Variants in MOXD1 observed in about 807,000 individuals in gnomAD.
MOXD1 encodes monooxygenase DBH like 1.
In MOXD1, 62 loss-of-function variants were observed where a neutral mutation model predicts 66.6. The observed-to-expected ratio is 0.93, with a 90% CI of 0.76 to 1.15. The LOEUF (loss-of-function observed/expected upper bound fraction) is 1.15. Ranked by LOEUF, MOXD1 falls within the 50% of genes most tolerant of loss-of-function variation. The pLI is 0.00. For missense variants in MOXD1, 847 were observed against 754.6 expected (o/e 1.12, Z -1.44); for synonymous variants, 303 against 281.9 (o/e 1.07, Z -0.75).
chr6:132,313,676 G>C (rs1465342842), intron 10 of MOXD1, among the ~76,000 whole-genome samples: 1 of 152,186 alleles, frequency 6.6e-6, no homozygotes, highest in Non-Finnish European at 1.5e-5. Context: ...CACTTTGGGA[G>C]GCCGAGGCGG....
chr6:132,399,105 T>C (rs1290537252), intron 1 of MOXD1, among the ~76,000 whole-genome samples: 1 of 152,072 alleles, frequency 6.6e-6, no homozygotes, highest in Non-Finnish European at 1.5e-5. Flanking sequence ...AAAACTGAAA[T>C]TGATACATTT....
chr6:132,392,056 GGGTT>G, intron 1 of MOXD1: 1 of 878,000 alleles, frequency 1.1e-6, no homozygotes, highest in Non-Finnish European at 1.7e-6. Flanking sequence ...AGCTGTGTCA[GGGTT>G]GCACACTCTC....
chr6:132,374,859 T>G (rs1000931801), intron 1 of MOXD1, 82 bp from the exon 2 acceptor site: 4 of 1,333,956 alleles, frequency 3.0e-6, no homozygotes, highest in Non-Finnish European at 3.2e-6. Context: ...AGACAAAGTC[T>G]TGTTGTCTAG....
In MOXD1 at chr6:132,328,110, A is replaced by G. The variant is rs529711671; in HGVS notation, c.849T>C (p.Phe283=). ...IFAWAIGGEG[F]SYPPHVGLSL... ...ATAATCCAACATGAGGTGGATAAGA[A>G]AAGCCCTAAATATGGAAAATGCCAT... The change falls in exon 6 of 12, where the codon TTT becomes TTC. Residue 283 remains phenylalanine, a synonymous_variant. Coordinates refer to ENST00000367963, the MANE Select transcript of MOXD1 (RefSeq NM_015529.4). 5.0e-6 allele frequency: 8 copies of G among 1,612,636 alleles called. No homozygotes were observed. In the East Asian group the frequency reaches 1.8e-4, roughly 36 times the overall value.
At chr6:132,331,155 G>A (rs1775309161) in intron 4 of MOXD1, among the ~76,000 whole-genome samples, 1 of 152,158 alleles carries the variant, frequency 6.6e-6, no homozygotes, top group Admixed American at 6.5e-5. Flanking sequence ...TCTAGTTTGA[G>A]CTTCTGTCTG....
chr6:132,335,557 C>T (rs1237065937), intron 4 of MOXD1, among the ~76,000 whole-genome samples: 1 of 152,060 alleles, frequency 6.6e-6, no homozygotes, highest in African/African-American at 2.4e-5. Context: ...GCCACAAGCC[C>T]AGGAATGCCA....
At chr6:132,389,486 A>C (rs1339761524) in intron 1 of MOXD1, among the ~76,000 whole-genome samples, 1 of 151,348 alleles carries the variant, frequency 6.6e-6, no homozygotes, top group Non-Finnish European at 1.5e-5. Flanking sequence ...TAGTTACTCA[A>C]CTTGGCCCAC....
At position 132,312,365 on chromosome 6, in the gene MOXD1, A is replaced by G. The variant is rs553373811; in HGVS notation, c.1508+3270T>C. ...TTTTTAGTATTATATGCTGAATACC[A>G]ATTGGTAATATTCTTCTAAGCAAAA... On this transcript the variant is annotated intron_variant, in intron 10 of 11. Coordinates refer to ENST00000367963, the MANE Select transcript of MOXD1 (RefSeq NM_015529.4). Among the ~76,000 whole-genome samples the G allele has an allele frequency of 2.0e-5, 3 of 152,294 alleles. No individual in the cohort carries two copies. In the East Asian group the frequency reaches 5.8e-4, roughly 29 times the overall value.
chr6:132,303,644 G>C (rs1774597499), intron 10 of MOXD1, among the ~76,000 whole-genome samples: 1 of 147,912 alleles, frequency 6.8e-6, no homozygotes, highest in African/African-American at 2.5e-5. Flanking sequence ...TCTGAAGTTG[G>C]TTGAATCCAT....
intron 4 of MOXD1, among the ~76,000 whole-genome samples, chr6:132,366,633 CCA>C (rs1776147466): frequency 6.6e-6 from 1 of 151,980 alleles, no homozygotes; most frequent in East Asian, 1.9e-4. Context: ...GCTTAAATTC[CCA>C]CAGTTTACTA....
Position 132,322,845 on chromosome 6 carries a change from C to G in MOXD1, c.1139G>C (p.Gly380Ala), listed in dbSNP as rs755084773. The part of the protein sequence containing the change: ...EEALEAEKPS[G>A]IHVFAVLLHA... ...GAGAAGAACAGCAAACACATGAATT[C>G]CACTTGGCTTTTCGGCTTCCAGAGC... The change falls in exon 8 of 12, where the codon GGA becomes GCA. Residue 380 changes from glycine to alanine, a missense_variant. Coordinates refer to ENST00000367963, the MANE Select transcript of MOXD1 (RefSeq NM_015529.4). 1 of 1,613,472 alleles carries G rather than the reference C, an allele frequency of 6.2e-7. No individual in the cohort carries two copies. The highest frequency in any genetic ancestry group is 2.2e-5 in the East Asian group (1 of 44,860).
At chr6:132,378,114 C>T (rs1469333905) in intron 1 of MOXD1, among the ~76,000 whole-genome samples, 1 of 151,902 alleles carries the variant, frequency 6.6e-6, no homozygotes, top group East Asian at 1.9e-4. Flanking sequence ...GCCTGAGTGA[C>T]AAGAGAGAAA....
At chr6:132,297,395 C>T in intron 11 of MOXD1, 78 bp from the exon 12 acceptor site, 8 of 1,453,816 alleles carry the variant, frequency 5.5e-6, no homozygotes, top group Admixed American at 3.6e-5. Context: ...CAGCTGCCCA[C>T]ACTTCTGCAG....
intron 1 of MOXD1, among the ~76,000 whole-genome samples, chr6:132,382,565 C>A (rs1031396387): frequency 1.3e-5 from 2 of 152,086 alleles, no homozygotes; most frequent in Admixed American, 6.5e-5. Flanking sequence ...TTACTTGTTA[C>A]ACCTGAAAAT....
intron 1 of MOXD1, among the ~76,000 whole-genome samples, chr6:132,400,731 T>C (rs1777003588): frequency 6.6e-6 from 1 of 151,926 alleles, no homozygotes. Flanking sequence ...AGTTCTGAGA[T>C]TTCCACTCCT....
intron 1 of MOXD1, among the ~76,000 whole-genome samples, chr6:132,377,432 G>A (rs529440341): frequency 6.6e-6 from 1 of 152,224 alleles, no homozygotes; most frequent in Non-Finnish European, 1.5e-5. Context: ...ATAATTATCC[G>A]AGTCTTGCAA....
Position 132,401,241 on chromosome 6 carries a change from G to T in MOXD1, c.186C>A (p.Phe62Leu). 1 of 1,590,792 alleles carries T rather than the reference G, an allele frequency of 6.3e-7. No individual in the cohort carries two copies. ...LQVRTAGYVGFGFSPTGAMAS... is the reference protein window; with the variant it reads ...LQVRTAGYVGLGFSPTGAMAS... ...CCATGGCCCCGGTGGGCGAGAAGCC[G>T]AAGCCCACGTAGCCTGCAGTGCGCA... is the stretch of plus-strand genomic sequence containing the variant. The change falls in exon 1 of 12, where the codon TTC becomes TTA. Residue 62 changes from phenylalanine to leucine, a missense_variant. Physicochemically the swap from Phe to Leu is conservative, Grantham distance 22 (BLOSUM62 0). Transcript: ENST00000367963.
At chr6:132,332,936 G>A (rs1775353970) in intron 4 of MOXD1, among the ~76,000 whole-genome samples, 2 of 152,116 alleles carry the variant, frequency 1.3e-5, no homozygotes, top group Non-Finnish European at 2.9e-5. Context: ...GCATTAACCC[G>A]ACTTTCTGAT....
intron 4 of MOXD1, among the ~76,000 whole-genome samples, chr6:132,365,931 G>T (rs1315330787): frequency 6.6e-6 from 1 of 152,114 alleles, no homozygotes; most frequent in Non-Finnish European, 1.5e-5. Context: ...ATAAAAAATA[G>T]ATAAAACTTA....
Sources: allele counts gnomAD v4.1 joint callset (sites outside exome capture counted in the v4.1 genomes callset), GRCh38; gene constraint gnomAD v4.1.1; transcripts MANE v1.5; gene names NCBI Gene and HGNC (gene_info 2026-07-23, HGNC 2026-07-21).